Variants in IFT122 observed in about 807,000 individuals in gnomAD.
IFT122 encodes the protein intraflagellar transport protein 122 homolog.
A neutral mutation model predicts 161.6 loss-of-function variants in IFT122; 118 were observed. The observed-to-expected ratio is 0.73, with a 90% CI of 0.63 to 0.85. The LOEUF (loss-of-function observed/expected upper bound fraction) is 0.85, where lower values mean the gene tolerates loss of function less well. Among genes scored for constraint, IFT122 ranks in the 40% least tolerant of loss-of-function variants. The pLI, the probability that IFT122 is intolerant of heterozygous loss-of-function variation, is 0.00. For synonymous variants in IFT122, 550 were observed against 602.4 expected (o/e 0.91, Z 1.27); for missense variants, 1,381 against 1,579.6 (o/e 0.87, Z 2.13).
intron 4 of IFT122, 138 bp downstream of exon 4, chr3:129,458,815 G>T (rs1260138136): frequency 7.0e-6 from 5 of 711,890 alleles, no homozygotes; most frequent in Non-Finnish European, 1.3e-5. Flanking sequence ...GTGTGTGGTT[G>T]GTATAGGAAG....
chr3:129,459,390 C>G (rs548047124), intron 4 of IFT122: 1 of 413,620 alleles, frequency 2.4e-6, no homozygotes, highest in Non-Finnish European at 4.8e-6. Flanking sequence ...CCCAGGTTCA[C>G]GCCATTCTCC....
rs1477516100 is a variant in IFT122 at position 129,519,580 on chromosome 3, GA to G, written c.3485del (p.Glu1162GlyfsTer7). ...GCCCACCCTGCAGCAAGGTGGCTCA[GA>G]GTTCGTGCCAGTGGTGGTGAGCCGG... ...AKLSFEQGGS[E>X]FVPVVVSRLV... On this transcript the variant is annotated frameshift_variant, in exon 29 of 30. Coordinates refer to ENST00000348417, the MANE Select transcript of IFT122 (RefSeq NM_052989.3). LOFTEE classifies it high-confidence loss of function. The G allele has an allele frequency of 1.2e-6, 2 of 1,613,438 alleles. No individual in the cohort carries two copies. Among genetic ancestry groups the G allele is most frequent in the African/African-American group, 2.7e-5 (2 of 74,914 alleles).
intron 23 of IFT122, 66 bp from the exon 24 acceptor site, chr3:129,512,246 C>T: frequency 9.0e-7 from 1 of 1,107,824 alleles, no homozygotes; most frequent in Non-Finnish European, 1.4e-6. Context: ...TGGTGTCTGC[C>T]TTTTGGCCTG....
chr3:129,499,750 C>T (rs2081311999), intron 18 of IFT122, 152 bp from the exon 19 acceptor site: 4 of 846,696 alleles, frequency 4.7e-6, no homozygotes, highest in Non-Finnish European at 7.8e-6. Flanking sequence ...CCTGGGACTC[C>T]CCCAACTCAG....
At chr3:129,480,802 A>G (rs1334068441) in intron 13 of IFT122, among the ~76,000 whole-genome samples, 2 of 152,190 alleles carry the variant, frequency 1.3e-5, no homozygotes, top group Non-Finnish European at 2.9e-5. Flanking sequence ...CATGAGGATA[A>G]TACCACATAT....
At chr3:129,472,960 G>A (rs563717272) in intron 9 of IFT122, among the ~76,000 whole-genome samples, 15 of 152,002 alleles carry the variant, frequency 9.9e-5, no homozygotes, top group African/African-American at 1.7e-4. Context: ...CATTACAAGC[G>A]TATTTTTCTT....
intron 24 of IFT122, chr3:129,512,676 T>C (rs1207269227): frequency 3.8e-6 from 2 of 527,822 alleles, no homozygotes; most frequent in African/African-American, 1.9e-5. Context: ...TCCCAATCCC[T>C]CCTAGAACCC....
intron 21 of IFT122, 77 bp downstream of exon 21, chr3:129,504,498 C>G (rs1255057091): frequency 8.8e-6 from 10 of 1,139,222 alleles, no homozygotes; most frequent in Admixed American, 1.7e-5. Context: ...GGAAGGCTAC[C>G]AAGCCCTTCC....
chr3:129,514,249 G>C (rs1180841067), intron 24 of IFT122, 140 bp from the exon 25 acceptor site: 1 of 903,476 alleles, frequency 1.1e-6, no homozygotes, highest in African/African-American at 1.7e-5. Flanking sequence ...CAAGCGCACA[G>C]AGCCTTCCTC....
chr3:129,463,165 T>C (rs1042654393), intron 5 of IFT122: 1 of 217,064 alleles, frequency 4.6e-6, no homozygotes, highest in Non-Finnish European at 9.3e-6. Context: ...GTAACTATTA[T>C]ACAATATCAA....
chr3:129,461,176 C>T, intron 4 of IFT122, 52 bp from the exon 5 acceptor site: 2 of 1,427,882 alleles, frequency 1.4e-6, no homozygotes, highest in Non-Finnish European at 2.0e-6. Context: ...GTTGTAGCCA[C>T]TGAAATCTTT....
At chr3:129,506,381 T>C (rs2082192834) in intron 21 of IFT122, 28 bp from the exon 22 acceptor site, 3 of 1,611,144 alleles carry the variant, frequency 1.9e-6, no homozygotes, top group East Asian at 2.2e-5. Flanking sequence ...TAGCATGTGC[T>C]TTTTTCCTCC....
At chr3:129,489,732 C>T (rs570529787) in intron 16 of IFT122, among the ~76,000 whole-genome samples, 11 of 151,542 alleles carry the variant, frequency 7.3e-5, no homozygotes, top group East Asian at 3.9e-4. Flanking sequence ...CCAGCTACTC[C>T]GGAGGCTGAG....
intron 1 of IFT122, among the ~76,000 whole-genome samples, chr3:129,446,212 T>C (rs959322516): frequency 6.6e-6 from 1 of 151,970 alleles, no homozygotes; most frequent in Non-Finnish European, 1.5e-5. Flanking sequence ...TCCTTTCTGT[T>C]GAACCTAGGT....
At position 129,463,709 on chromosome 3, in the gene IFT122, G is replaced by C. The variant is rs878924994; in HGVS notation, c.416+83G>C. 4 of 1,192,204 alleles carry C rather than the reference G, an allele frequency of 3.4e-6. No homozygotes were observed. The Admixed American group carries it at 7.0e-5, about 21-fold the overall frequency. The allele number at this position is 1,192,204 out of a possible 1,614,324, so 73.9% of individuals were successfully genotyped here. ...AAATCCAATTATTTCATGCAGCAGA[G>C]AAGGTCTTGTGTTAGGTAGTTGGTT... On this transcript the variant is annotated intron_variant, in intron 6 of 29. Transcript: ENST00000348417.
In IFT122 at chr3:129,499,973, T is replaced by C; in HGVS notation, c.2280T>C (p.Asn760=). ...CCAAACAGGCTGACTGGGCCAGAAA[T>C]ATCAAGGAGCCCAAAGCCGCCGTGG... The part of the protein sequence containing the change: ...LITKQADWAR[N]IKEPKAAVEM... The change falls in exon 19 of 30, where the codon AAT becomes AAC. Residue 760 remains asparagine, a synonymous_variant. Transcript: ENST00000348417. 1 of 1,614,088 alleles carries C rather than the reference T, an allele frequency of 6.2e-7. No homozygotes were observed. The highest frequency in any genetic ancestry group is 8.5e-7 in the Non-Finnish European group (1 of 1,180,012).
In IFT122 at chr3:129,477,884, C is replaced by CTA. The variant is rs2078147533; in HGVS notation, c.1148-131_1148-130dup. On this transcript the variant is annotated intron_variant, in intron 11 of 29. Coordinates refer to ENST00000348417, the MANE Select transcript of IFT122 (RefSeq NM_052989.3). ...GAGTTGATTGTATGTATTAGATACT[C>CTA]TAAAGATTTTTCAATGAGAGTATCT... 4 of 748,092 alleles carry CTA rather than the reference C, an allele frequency of 5.3e-6. No individual in the cohort carries two copies. In the Admixed American group the frequency reaches 6.4e-5, roughly 12 times the overall value. 46.3% of individuals were successfully genotyped at this position (748,092 alleles called of 1,614,324 possible).
intron 24 of IFT122, chr3:129,513,702 ACT>A (rs1399330485): frequency 1.2e-5 from 2 of 161,918 alleles, no homozygotes; most frequent in Admixed American, 5.7e-5. Flanking sequence ...ACAGAAGGAA[ACT>A]CTCCACAGAA....
At chr3:129,459,611 T>C (rs2075960422) in intron 4 of IFT122, among the ~76,000 whole-genome samples, 1 of 89,840 alleles carries the variant, frequency 1.1e-5, no homozygotes, top group African/African-American at 7.8e-5. Context: ...CTTCCTTCTT[T>C]CCTTCCTTCC....
Sources: allele counts gnomAD v4.1 joint callset (sites outside exome capture counted in the v4.1 genomes callset), GRCh38; gene constraint gnomAD v4.1.1; transcripts MANE v1.5; gene names NCBI Gene and HGNC (gene_info 2026-07-23, HGNC 2026-07-21).